CMYA5: variants seen among roughly 807,000 people sequenced by gnomAD.
CMYA5 encodes the protein cardiomyopathy associated 5.
A neutral mutation model predicts 318.9 loss-of-function variants in CMYA5; 246 were observed. The ratio of observed to expected loss-of-function variants is 0.77; its 90% CI spans 0.70 to 0.86. CMYA5 has a LOEUF of 0.86. Among genes scored for constraint, CMYA5 ranks in the 40% least tolerant of loss-of-function variants. CMYA5 has a pLI of 0.00. For synonymous variants in CMYA5, 1,641 were observed against 1,729.5 expected (o/e 0.95, Z 1.27); for missense variants, 4,589 against 4,678.2 (o/e 0.98, Z 0.56).
chr5:79,729,177 T>C lies in CMYA5; in HGVS notation c.412T>C (p.Ser138Pro). Reference protein sequence around the residue: ...VKKVRKRTHKSKHGSPSLRRK... With the variant: ...VKKVRKRTHKPKHGSPSLRRK... ...AAAGGTTCGGAAAAGGACTCATAAG[T>C]CAAAGCATGGTTCACCATCATTACG... is the stretch of plus-strand genomic sequence containing the variant. The change falls in exon 2 of 13, where the codon TCA (serine) becomes CCA (proline). Residue 138 changes from serine (S) to proline (P), a missense_variant. Ser to Pro is a moderately conservative substitution (Grantham distance 74). Coordinates refer to ENST00000446378, the MANE Select transcript of CMYA5 (RefSeq NM_153610.5). 6.2e-7 allele frequency: 1 copy of C among 1,612,874 alleles called. No individual in the cohort carries two copies. Among genetic ancestry groups the C allele is most frequent in the Non-Finnish European group, 8.5e-7 (1 of 1,179,600 alleles).
intron 9 of CMYA5, among the ~76,000 whole-genome samples, chr5:79,773,647 G>A (rs1828891664): frequency 6.6e-6 from 1 of 152,202 alleles, no homozygotes; most frequent in South Asian, 2.1e-4. Context: ...GGGTATGAAC[G>A]GGGAACTTAT....
intron 6 of CMYA5, among the ~76,000 whole-genome samples, chr5:79,754,381 A>G (rs1828488178): frequency 6.6e-6 from 1 of 152,254 alleles, no homozygotes; most frequent in Non-Finnish European, 1.5e-5. Flanking sequence ...GAAACCGTTA[A>G]GCATATCAAA....
chr5:79,735,424 A>C lies in CMYA5; in HGVS notation c.6659A>C (p.Glu2220Ala), dbSNP rs369658603. ...VEKAVTVIDP[E>A]GTIPTNFNVA... The stretch of plus-strand genomic sequence containing the variant: ...AAAGCAGTGACTGTGATAGATCCTG[A>C]AGGTACAATTCCCACCAATTTTAAT... The change falls in exon 2 of 13, where the codon GAA (glutamate) becomes GCA (alanine). Residue 2220 changes from glutamate (E) to alanine (A), a missense_variant. Transcript: ENST00000446378. The C allele has an allele frequency of 6.2e-7, 1 of 1,613,794 alleles. No homozygotes were observed. Among genetic ancestry groups the C allele is most frequent in the African/African-American group, 1.3e-5 (1 of 74,920 alleles).
chr5:79,768,510 A>C (rs956750395), intron 9 of CMYA5, among the ~76,000 whole-genome samples: 8 of 151,864 alleles, frequency 5.3e-5, no homozygotes, highest in Non-Finnish European at 8.8e-5. Context: ...GACAAACAGC[A>C]TTTGCTTCTC....
At chr5:79,720,165 G>A (rs1050664246) in intron 1 of CMYA5, among the ~76,000 whole-genome samples, 2 of 152,082 alleles carry the variant, frequency 1.3e-5, no homozygotes, top group African/African-American at 4.8e-5. Context: ...AATGCTGAGG[G>A]ACATTAATCT....
chr5:79,692,899 A>G (rs1045514538), intron 1 of CMYA5, among the ~76,000 whole-genome samples: 11 of 152,222 alleles, frequency 7.2e-5, no homozygotes, highest in African/African-American at 2.7e-4. Flanking sequence ...AGTGCCTACT[A>G]TTAATATTTG....
chr5:79,786,900 A>G (rs1431927029), intron 9 of CMYA5, among the ~76,000 whole-genome samples: 1 of 152,230 alleles, frequency 6.6e-6, no homozygotes. Flanking sequence ...TATTTCACAG[A>G]TTCAATGAGG....
chr5:79,766,246 A>G (rs1828748833), intron 9 of CMYA5, among the ~76,000 whole-genome samples: 1 of 151,988 alleles, frequency 6.6e-6, no homozygotes, highest in Admixed American at 6.6e-5. Context: ...TTACAGGCGC[A>G]TGCCACCAAG....
chr5:79,776,678 G>T (rs1015914737), intron 9 of CMYA5, among the ~76,000 whole-genome samples: 6 of 152,114 alleles, frequency 3.9e-5, no homozygotes, highest in Non-Finnish European at 5.9e-5. Flanking sequence ...GGTCCTTCAG[G>T]GCCCAGCCAT....
At chr5:79,721,719 C>T (rs1827643173) in intron 1 of CMYA5, among the ~76,000 whole-genome samples, 1 of 152,018 alleles carries the variant, frequency 6.6e-6, no homozygotes, top group Admixed American at 6.6e-5. Context: ...AGAAAAAAAT[C>T]TTTATTTACA....
chr5:79,738,591 A>G lies in CMYA5; in HGVS notation c.9826A>G (p.Ile3276Val), dbSNP rs1219004079. The change falls in exon 2 of 13, where the codon ATA becomes GTA. Residue 3276 changes from isoleucine to valine, a missense_variant. Physicochemically the swap from Ile to Val is conservative, Grantham distance 29. This residue lies in a region of CMYA5 where 2,431 missense variants were observed against 2,495.1 expected (regional missense o/e 0.97). Transcript: ENST00000446378. Reference protein sequence around the residue: ...RVGKDDSYQPIAAEGEIWGKF... With the variant: ...RVGKDDSYQPVAAEGEIWGKF... ...TGGTAAGGATGATTCATACCAACCG[A>G]TAGCTGCAGAAGGGGAAATTTGGGG... The G allele has an allele frequency of 1.2e-6, 2 of 1,613,630 alleles. No homozygotes were observed. Among genetic ancestry groups the G allele is most frequent in the Non-Finnish European group, 1.7e-6 (2 of 1,179,872 alleles).
At chr5:79,745,536 C>T in intron 4 of CMYA5, 81 bp downstream of exon 4, 1 of 875,074 alleles carries the variant, frequency 1.1e-6, no homozygotes, top group Non-Finnish European at 1.9e-6. Context: ...TTTCACTATT[C>T]CTTAAGATTA....
At chr5:79,786,795 G>A (rs1189699711) in intron 9 of CMYA5, among the ~76,000 whole-genome samples, 1 of 151,922 alleles carries the variant, frequency 6.6e-6, no homozygotes, top group Non-Finnish European at 1.5e-5. Flanking sequence ...AACCTTTTTT[G>A]CTTTGTTCTT....
chr5:79,799,503 A>G lies in CMYA5; in HGVS notation c.12097A>G (p.Ile4033Val), dbSNP rs372114177. 8.1e-6 allele frequency: 13 copies of G among 1,614,044 alleles called. No individual in the cohort carries two copies. Among genetic ancestry groups the G allele is most frequent in the South Asian group, 1.1e-5 (1 of 91,082 alleles). Residue 4033 changes from isoleucine to valine, a missense_variant, in exon 13 of 13, where the codon ATC becomes GTC. Ile to Val is a conservative substitution (Grantham distance 29, BLOSUM62 3). Transcript: ENST00000446378. ...CGCAGAGAGCGAGCAGTTGCTCTTC[A>G]TCATCAGGCACAGGTTTAATGAGGG... is the stretch of plus-strand genomic sequence containing the variant. Reference protein sequence around the residue: ...INAESEQLLFIIRHRFNEGVH... With the variant: ...INAESEQLLFVIRHRFNEGVH...
At chr5:79,709,587 GA>G (rs1827342804) in intron 1 of CMYA5, among the ~76,000 whole-genome samples, 1 of 150,070 alleles carries the variant, frequency 6.7e-6, no homozygotes, top group Admixed American at 6.6e-5. Flanking sequence ...AAAGCTCATT[GA>G]TTTTTTTTTT....
chr5:79,771,902 C>T (rs919384828), intron 9 of CMYA5, among the ~76,000 whole-genome samples: 1 of 152,140 alleles, frequency 6.6e-6, no homozygotes, highest in Non-Finnish European at 1.5e-5. Context: ...ACCATGCATC[C>T]TTAGTTTTCT....
intron 1 of CMYA5, among the ~76,000 whole-genome samples, chr5:79,708,849 G>T (rs555217741): frequency 2.6e-5 from 4 of 152,074 alleles, no homozygotes; most frequent in African/African-American, 9.7e-5. Context: ...CACAAGAATC[G>T]GTTGAACCTG....
intron 1 of CMYA5, among the ~76,000 whole-genome samples, chr5:79,724,546 A>C (rs1377242336): frequency 6.6e-6 from 1 of 152,182 alleles, no homozygotes; most frequent in Non-Finnish European, 1.5e-5. Context: ...GCTTCCCAAG[A>C]CATTATTTGT....
chr5:79,697,403 G>T (rs944461244), intron 1 of CMYA5, among the ~76,000 whole-genome samples: 4 of 152,280 alleles, frequency 2.6e-5, no homozygotes, highest in Middle Eastern at 3.4e-3. Context: ...CAGCCTGGCT[G>T]CTGATGACTC....
Sources: gnomAD v4.1 joint callset for allele counts (sites outside exome capture counted in the v4.1 genomes callset) on GRCh38, gnomAD v4.1.1 for gene constraint, gnomAD v4.1.1 regional missense constraint, MANE v1.5 for transcripts, NCBI Gene and HGNC (gene_info 2026-07-23, HGNC 2026-07-21) for gene names.